Variants in CFHR5 observed in about 807,000 individuals in gnomAD.
CFHR5 encodes the protein complement factor H related 5, also known as complement factor H-related protein 5.
Under a neutral mutation model 62.9 loss-of-function variants are expected in CFHR5, and 73 were observed. That is an observed-to-expected ratio of 1.16 (90% CI 0.96 to 1.41). The LOEUF (loss-of-function observed/expected upper bound fraction) is 1.41, where lower values mean the gene tolerates loss of function less well. Ranked by LOEUF, CFHR5 falls within the 40% of genes most tolerant of loss-of-function variation. CFHR5 has a pLI of 0.00. For synonymous variants in CFHR5, 249 were observed against 227.2 expected (o/e 1.10, Z -0.86); for missense variants, 779 against 679.9 (o/e 1.15, Z -1.62).
At chr1:196,978,358 A>C (rs1410213576) in intron 1 of CFHR5, among the ~76,000 whole-genome samples, 1 of 152,108 alleles carries the variant, frequency 6.6e-6, no homozygotes, top group Non-Finnish European at 1.5e-5. Context: ...ATTATAAACT[A>C]TCCCATTTTA....
At chr1:197,008,317 A>G (rs956555779) in intron 9 of CFHR5, among the ~76,000 whole-genome samples, 170 bp from the exon 10 acceptor site, 1 of 151,720 alleles carries the variant, frequency 6.6e-6, no homozygotes, top group African/African-American at 2.4e-5. Flanking sequence ...GCCCATACAC[A>G]GTGCTAAGAA....
intron 1 of CFHR5, among the ~76,000 whole-genome samples, chr1:196,979,592 A>G (rs1653484916): frequency 6.6e-6 from 1 of 152,184 alleles, no homozygotes; most frequent in South Asian, 2.1e-4. Context: ...CTTACCGTCA[A>G]TAGGGTTTGC....
At chr1:196,989,461 T>G (rs1242506536) in intron 3 of CFHR5, among the ~76,000 whole-genome samples, 1 of 152,190 alleles carries the variant, frequency 6.6e-6, no homozygotes, top group African/African-American at 2.4e-5. Flanking sequence ...ATTGTGATCT[T>G]AGAGTGTTGA....
chr1:197,006,377 C>T (rs577002577), intron 9 of CFHR5, among the ~76,000 whole-genome samples: 9 of 150,182 alleles, frequency 6.0e-5, no homozygotes, highest in African/African-American at 2.3e-4. Context: ...AATTTTATTT[C>T]CCATGAGATA....
intron 8 of CFHR5, 53 bp downstream of exon 8, chr1:197,002,717 T>G: frequency 1.4e-6 from 2 of 1,430,944 alleles, no homozygotes; most frequent in Non-Finnish European, 9.8e-7. Flanking sequence ...ATTAATCCCC[T>G]TTGCTTTATC....
intron 9 of CFHR5, among the ~76,000 whole-genome samples, chr1:197,005,475 A>G (rs974858137): frequency 6.6e-6 from 1 of 152,148 alleles, no homozygotes; most frequent in Non-Finnish European, 1.5e-5. Context: ...AAAAATTAAC[A>G]TCGTAGACTC....
chr1:196,982,758 C>A, intron 1 of CFHR5, 127 bp from the exon 2 acceptor site: 1 of 794,778 alleles, frequency 1.3e-6, no homozygotes, highest in Non-Finnish European at 2.1e-6. Context: ...CACTGGAAAG[C>A]ATTTAAGCTA....
At chr1:197,000,317 G>A (rs1055126318) in intron 7 of CFHR5, among the ~76,000 whole-genome samples, 23 of 152,014 alleles carry the variant, frequency 1.5e-4, no homozygotes, top group African/African-American at 5.3e-4. Flanking sequence ...CTCATTTTAT[G>A]CATCAGAAAT....
upstream of CFHR5, among the ~76,000 whole-genome samples, chr1:196,976,154 A>G (rs1188595954): frequency 6.6e-6 from 1 of 152,250 alleles, no homozygotes; most frequent in East Asian, 1.9e-4. Flanking sequence ...AATAGTGGAG[A>G]CTACTAATAG....
chr1:196,977,651 T>A lies in CFHR5; in HGVS notation c.-14T>A. On this transcript the variant is annotated 5_prime_UTR_variant, in exon 1 of 10. It introduces an in-frame stop codon into an upstream open reading frame of the 5' UTR. Transcript: ENST00000256785. ...TGGAGTATTTTTAGTTATATACGATTGAGACTACCAAGCATGTTGCTCTTA... is the reference window on the plus strand; with the variant it reads ...TGGAGTATTTTTAGTTATATACGATAGAGACTACCAAGCATGTTGCTCTTA... 1 of 1,605,354 alleles carries A rather than the reference T, an allele frequency of 6.2e-7. No individual in the cohort carries two copies. Among genetic ancestry groups the A allele is most frequent in the Non-Finnish European group, 8.5e-7 (1 of 1,172,324 alleles).
chr1:197,002,557 A>G lies in CFHR5; in HGVS notation c.1223A>G (p.Gln408Arg). Residue 408 changes from glutamine to arginine, a missense_variant, in exon 8 of 10, where the codon CAG becomes CGG. Gln to Arg is a conservative substitution (Grantham distance 43). Coordinates refer to ENST00000256785, the MANE Select transcript of CFHR5 (RefSeq NM_030787.4). ...AATATGACAACCACAGTGAATTATC[A>G]GGATGGAGAAAAAGTAGCTGTTCTC... ...AQNMTTTVNY[Q>R]DGEKVAVLCK... The G allele has an allele frequency of 6.2e-7, 1 of 1,613,542 alleles. No individual in the cohort carries two copies. Among genetic ancestry groups the G allele is most frequent in the Non-Finnish European group, 8.5e-7 (1 of 1,179,600 alleles).
chr1:196,977,914 T>C (rs1653439322), intron 1 of CFHR5, among the ~76,000 whole-genome samples, 192 bp downstream of exon 1: 1 of 152,172 alleles, frequency 6.6e-6, no homozygotes, highest in South Asian at 2.1e-4. Context: ...TGAAATTAAT[T>C]CTCTCCGTTC....
intron 3 of CFHR5, among the ~76,000 whole-genome samples, chr1:196,989,009 T>C (rs1336047285): frequency 2.6e-5 from 4 of 152,118 alleles, no homozygotes; most frequent in South Asian, 2.1e-4. Context: ...CTGAACTTTT[T>C]TGGGTGGTAG....
In CFHR5 at chr1:196,998,116, T is replaced by C; in HGVS notation, c.971-12T>C. 6.8e-7 allele frequency: 1 copy of C among 1,462,624 alleles called. No homozygotes were observed. 90.6% of individuals were successfully genotyped at this position (1,462,624 alleles called of 1,614,324 possible). A position where few individuals can be genotyped will look rare whatever the true frequency, so the allele number is the denominator to read the frequency against. On this transcript the variant is annotated splice_polypyrimidine_tract_variant and intron_variant, in intron 6 of 9. Transcript: ENST00000256785. ...TAATTGTTTAGTTTCTATTTAATAT[T>C]ATTTTTTATAGCAACACACCAACTT... is the stretch of plus-strand genomic sequence containing the variant.
In CFHR5 at chr1:196,985,708, C is replaced by T. The variant is rs1157283866; in HGVS notation, c.430+1571C>T. On this transcript the variant is annotated intron_variant, in intron 3 of 9. Coordinates refer to ENST00000256785, the MANE Select transcript of CFHR5 (RefSeq NM_030787.4). ...AGAAGCTTGACAAATTAAGTTTGGC[C>T]AGCGTAACCCATACAAGCTGGCTCT... Among the ~76,000 whole-genome samples the T allele has an allele frequency of 3.3e-5, 5 of 152,202 alleles. No homozygotes were observed. In the South Asian group the frequency reaches 1.0e-3, roughly 32 times the overall value.
At chr1:197,001,379 T>A (rs1291764021) in intron 7 of CFHR5, among the ~76,000 whole-genome samples, 1 of 152,110 alleles carries the variant, frequency 6.6e-6, no homozygotes, top group Non-Finnish European at 1.5e-5. Context: ...TCAGGTTCTG[T>A]TCAAATAATT....
At chr1:196,977,509 A>T (rs1454202221), upstream of CFHR5, 6 of 721,814 alleles carry the variant, frequency 8.3e-6, no homozygotes, top group Non-Finnish European at 1.5e-5. Context: ...ACCCTCCATG[A>T]ACTTTGATGT....
intron 7 of CFHR5, among the ~76,000 whole-genome samples, chr1:196,999,714 T>C (rs1283568987): frequency 6.2e-5 from 3 of 48,666 alleles, no homozygotes; most frequent in Non-Finnish European, 1.4e-4. Context: ...TATATATATA[T>C]ATATATATAC....
chr1:196,998,861 G>T (rs536242209), intron 7 of CFHR5, among the ~76,000 whole-genome samples: 2 of 151,974 alleles, frequency 1.3e-5, no homozygotes, highest in Admixed American at 6.6e-5. Context: ...ACCAGAACTA[G>T]AGAAAACAAA....
Sources: allele counts gnomAD v4.1 joint callset (sites outside exome capture counted in the v4.1 genomes callset), GRCh38; gene constraint gnomAD v4.1.1; transcripts MANE v1.5; gene names NCBI Gene and HGNC (gene_info 2026-07-23, HGNC 2026-07-21).